Variants in MAB21L3 observed in about 807,000 individuals in gnomAD.
MAB21L3 encodes protein mab-21-like 3.
A neutral mutation model predicts 37.7 loss-of-function variants in MAB21L3; 36 were observed. The ratio of observed to expected loss-of-function variants is 0.96; its 90% CI spans 0.73 to 1.26. The LOEUF (loss-of-function observed/expected upper bound fraction) is 1.26, where lower values mean the gene tolerates loss of function less well. Among genes scored for constraint, MAB21L3 ranks in the 50% most tolerant of loss-of-function variants. MAB21L3 has a pLI of 0.00. For missense variants in MAB21L3, 430 were observed against 447.3 expected (o/e 0.96, Z 0.35); for synonymous variants, 186 against 176.8 (o/e 1.05, Z -0.41).
chr1:116,121,308 T>C (rs1659741370), intron 4 of MAB21L3, among the ~76,000 whole-genome samples: 1 of 152,212 alleles, frequency 6.6e-6, no homozygotes, highest in Admixed American at 6.5e-5. Flanking sequence ...GGAGGATGGC[T>C]TGAGGCCAAG....
rs538523710 is a variant in MAB21L3, at chr1:116,133,230, C to G, written c.954C>G (p.Cys318Trp). Residue 318 changes from cysteine to tryptophan, a missense_variant, in exon 8 of 8, where the codon TGC (cysteine) becomes TGG (tryptophan). By Grantham distance (215) the Cys-to-Trp change is radical (BLOSUM62 -2). Transcript: ENST00000369500. ...GCCTGGTGAGGAAACTGCACAAGTGCGTGAGCCAGCACTTCCTGAAACACT... is the reference window on the plus strand; with the variant it reads ...GCCTGGTGAGGAAACTGCACAAGTGGGTGAGCCAGCACTTCCTGAAACACT... ...FLRLVRKLHK[C>W]VSQHFLKHYF... The G allele has an allele frequency of 5.0e-6, 8 of 1,614,060 alleles. No homozygotes were observed. The highest frequency in any genetic ancestry group is 6.8e-6 in the Non-Finnish European group (8 of 1,180,044).
chr1:116,117,223 A>G (rs2101609188), intron 3 of MAB21L3, among the ~76,000 whole-genome samples: 1 of 146,150 alleles, frequency 6.8e-6, no homozygotes, highest in South Asian at 2.2e-4. Flanking sequence ...CTAACATTCA[A>G]GTTCTATGGA....
At position 116,124,189 on chromosome 1, in the gene MAB21L3, C is replaced by T. The variant is rs536017398; in HGVS notation, c.313C>T (p.Arg105Trp). The T allele has an allele frequency of 4.3e-5, 70 of 1,614,170 alleles. 1 individual carries two copies. In the Middle Eastern group the frequency reaches 6.6e-4, roughly 15 times the overall value. ...GGGCACCAGGCTGCCCTGCCCGTTG[C>T]GGGACCCTGAGGGTCTGCAGCAGTG... ...LQGTRLPCPL[R>W]DPEGLQQWLE... The change falls in exon 5 of 8, where the codon CGG becomes TGG. Residue 105 changes from arginine (R) to tryptophan (W), a missense_variant. Coordinates refer to ENST00000369500, the MANE Select transcript of MAB21L3 (RefSeq NM_152367.3).
Position 116,124,109 on chromosome 1 carries a change from G to C in MAB21L3, c.233G>C (p.Gly78Ala), listed in dbSNP as rs772286410. The change falls in exon 5 of 8, where the codon GGC becomes GCC. Residue 78 changes from glycine to alanine, a missense_variant. Gly to Ala is a moderately conservative substitution (Grantham distance 60). Coordinates refer to ENST00000369500, the MANE Select transcript of MAB21L3 (RefSeq NM_152367.3). ...SQFLVTVPIK[G>A]LAGYREAREQ... ...TTCCTCGTCACAGTCCCAATAAAAG[G>C]CCTGGCCGGGTACAGGGAGGCCAGG... 3.7e-6 allele frequency: 6 copies of C among 1,613,154 alleles called. No homozygotes were observed. The highest frequency in any genetic ancestry group is 1.3e-5 in the African/African-American group (1 of 74,882).
chr1:116,114,117 G>A (rs548244826), intron 3 of MAB21L3, among the ~76,000 whole-genome samples: 7 of 152,296 alleles, frequency 4.6e-5, no homozygotes, highest in Non-Finnish European at 1.0e-4. Flanking sequence ...GTTATAATTA[G>A]TATTACTGGC....
intron 7 of MAB21L3, among the ~76,000 whole-genome samples, chr1:116,130,402 G>A (rs1180444662): frequency 1.3e-5 from 2 of 152,218 alleles, no homozygotes; most frequent in African/African-American, 4.8e-5. Context: ...TATTTCTGGA[G>A]TAAGATAAAC....
intron 3 of MAB21L3, among the ~76,000 whole-genome samples, chr1:116,114,623 C>G (rs1659519148): frequency 6.6e-6 from 1 of 152,190 alleles, no homozygotes; most frequent in Non-Finnish European, 1.5e-5. Flanking sequence ...GAGGGTAGAC[C>G]AAGGCCTGAG....
At chr1:116,112,796 C>T (rs1005365201) in intron 3 of MAB21L3, 133 bp downstream of exon 3, 2 of 855,748 alleles carry the variant, frequency 2.3e-6, no homozygotes, top group African/African-American at 3.4e-5. Flanking sequence ...AGACTGTCAC[C>T]TATAACAATG....
chr1:116,127,143 T>C (rs1282067070), intron 5 of MAB21L3, among the ~76,000 whole-genome samples: 1 of 152,130 alleles, frequency 6.6e-6, no homozygotes, highest in Non-Finnish European at 1.5e-5. Flanking sequence ...TTACTTTCAG[T>C]TGATCCTCCT....
At position 116,124,801 on chromosome 1, in the gene MAB21L3, T is replaced by C. The variant is rs1181232081; in HGVS notation, c.481+444T>C. ...CACTAACTTGTACCAAAGCACAAAATCCAGGAGCCATAAAGAACTGACTAA... is the reference window on the plus strand; with the variant it reads ...CACTAACTTGTACCAAAGCACAAAACCCAGGAGCCATAAAGAACTGACTAA... On this transcript the variant is annotated intron_variant, in intron 5 of 7. Coordinates refer to ENST00000369500, the MANE Select transcript of MAB21L3 (RefSeq NM_152367.3). 2.0e-5 allele frequency among the ~76,000 whole-genome samples: 3 copies of C among 151,526 alleles called. No individual in the cohort carries two copies. In the East Asian group the frequency reaches 5.8e-4, roughly 29 times the overall value.
At chr1:116,129,720 AGTAGC>A (rs1246915603) in intron 7 of MAB21L3, among the ~76,000 whole-genome samples, 1 of 152,252 alleles carries the variant, frequency 6.6e-6, no homozygotes, top group African/African-American at 2.4e-5. Context: ...CTTTGTACAT[AGTAGC>A]GCATTAAATA....
At chr1:116,127,427 C>A (rs1223322083) in intron 5 of MAB21L3, 39 bp from the exon 6 acceptor site, 9 of 1,593,094 alleles carry the variant, frequency 5.6e-6, no homozygotes, top group South Asian at 1.1e-5. Flanking sequence ...ATGTGCAAAC[C>A]TTTCTCTTCT....
chr1:116,133,770 A>G lies in MAB21L3; in HGVS notation c.*405A>G. 4.2e-6 allele frequency: 1 copy of G among 240,452 alleles called. No individual in the cohort carries two copies. Among genetic ancestry groups the G allele is most frequent in the Non-Finnish European group, 8.1e-6 (1 of 123,154 alleles). The allele number at this position is 240,452 out of a possible 1,614,324, so 14.9% of individuals were successfully genotyped here. Reference sequence around the variant, plus strand: ...TGTGCCCAGCCCACTGATCATGGGCACATTCTCCTGCCATTTGTAAAATGG... The same window carrying G: ...TGTGCCCAGCCCACTGATCATGGGCGCATTCTCCTGCCATTTGTAAAATGG... On this transcript the variant is annotated 3_prime_UTR_variant, in exon 8 of 8. Transcript: ENST00000369500.
rs1244783336 is a variant in MAB21L3, at chr1:116,135,244, GA to G, written c.*1886del. ...ATAGACTGCTAGCAAGACTAATAAA[GA>G]AAAAAAGAGAGAAGAATCAAATAGA... is the stretch of plus-strand genomic sequence containing the variant. On this transcript the variant is annotated 3_prime_UTR_variant, in exon 8 of 8. Coordinates refer to ENST00000369500, the MANE Select transcript of MAB21L3 (RefSeq NM_152367.3). 6.6e-6 allele frequency: 1 copy of G among 151,192 alleles called. No homozygotes were observed. The highest frequency in any genetic ancestry group is 2.4e-5 in the African/African-American group (1 of 41,024). 9.4% of individuals were successfully genotyped at this position (151,192 alleles called of 1,614,324 possible). A position where few individuals can be genotyped will look rare whatever the true frequency, so the allele number is the denominator to read the frequency against.
rs1231476778 is a variant in MAB21L3, at chr1:116,114,755, A to G, written c.48+2092A>G. Among the ~76,000 whole-genome samples the G allele has an allele frequency of 3.3e-5, 5 of 152,214 alleles. 1 individual carries two copies. In the East Asian group the frequency reaches 9.6e-4, roughly 29 times the overall value. ...AGGGAATTTCACATGCAGTCAGGCA[A>G]GTGCTTAATAGAATGCATGGTAGAC... On this transcript the variant is annotated intron_variant, in intron 3 of 7. Coordinates refer to ENST00000369500, the MANE Select transcript of MAB21L3 (RefSeq NM_152367.3).
At chr1:116,131,308 T>TGCA (rs1386937792) in intron 7 of MAB21L3, among the ~76,000 whole-genome samples, 1 of 152,162 alleles carries the variant, frequency 6.6e-6, no homozygotes, top group Non-Finnish European at 1.5e-5. Flanking sequence ...GTGTGCCCTA[T>TGCA]GCAGCCGAAG....
rs77902166 is a variant in MAB21L3 at position 116,112,678 on chromosome 1, G to A, written c.48+15G>A. ...TACTGAATAAGGTAAGGACAGACCC[G>A]GTCTCTCCCATGAACCCCCTCCCCA... is the stretch of plus-strand genomic sequence containing the variant. On this transcript the variant is annotated intron_variant, in intron 3 of 7. Coordinates refer to ENST00000369500, the MANE Select transcript of MAB21L3 (RefSeq NM_152367.3). The A allele has an allele frequency of 3.9e-4, 629 of 1,613,354 alleles. 4 individuals carry two copies. The East Asian group carries it at 0.011, about 28-fold the overall frequency.
Position 116,128,175 on chromosome 1 carries a change from A to T in MAB21L3, c.691A>T (p.Asn231Tyr). ...TGGATTTAACTTGTTGGCCTGTTCA[A>T]ATTATCACTGGCAGCTGAGCTTCCT... is the stretch of plus-strand genomic sequence containing the variant. Reference protein sequence around the residue: ...SFGFNLLACSNYHWQLSFLRA... With the variant: ...SFGFNLLACSYYHWQLSFLRA... The change falls in exon 7 of 8, where the codon AAT (asparagine) becomes TAT (tyrosine). Residue 231 changes from asparagine to tyrosine, a missense_variant. Asn to Tyr is a moderately radical substitution (Grantham distance 143, BLOSUM62 -2). Coordinates refer to ENST00000369500, the MANE Select transcript of MAB21L3 (RefSeq NM_152367.3). The T allele has an allele frequency of 6.2e-7, 1 of 1,613,492 alleles. No homozygotes were observed. The highest frequency in any genetic ancestry group is 1.3e-5 in the African/African-American group (1 of 75,020).
In MAB21L3 at chr1:116,120,846, G is replaced by T. The variant is rs145975908; in HGVS notation, c.49-86G>T. On this transcript the variant is annotated intron_variant, in intron 3 of 7. Transcript: ENST00000369500. ...TGAACTCCCTCAGTCACCCCTTGCTGTACCCTTGTCTCCTCACTCTCTTAT... is the reference window on the plus strand; with the variant it reads ...TGAACTCCCTCAGTCACCCCTTGCTTTACCCTTGTCTCCTCACTCTCTTAT... 1.1e-3 allele frequency: 1,618 copies of T among 1,535,888 alleles called. 12 individuals carry two copies. The African/African-American group carries it at 0.02, about 19-fold the overall frequency.
Sources: gnomAD v4.1 joint callset for allele counts (sites outside exome capture counted in the v4.1 genomes callset) on GRCh38, gnomAD v4.1.1 for gene constraint, MANE v1.5 for transcripts, NCBI Gene and HGNC (gene_info 2026-07-23, HGNC 2026-07-21) for gene names.